SNX8: variants seen among roughly 807,000 people sequenced by gnomAD.
The protein encoded by SNX8 is sorting nexin-8.
A neutral mutation model predicts 51.6 loss-of-function variants in SNX8; 25 were observed. The ratio of observed to expected loss-of-function variants is 0.48; its 90% CI spans 0.35 to 0.68. SNX8 has a LOEUF of 0.68. Ranked by LOEUF, SNX8 falls within the 30% of genes least tolerant of loss-of-function variation. The pLI is 0.00. For missense variants in SNX8, 695 were observed against 624.0 expected (o/e 1.11, Z -1.21); for synonymous variants, 324 against 277.0 (o/e 1.17, Z -1.68).
intron 1 of SNX8, among the ~76,000 whole-genome samples, chr7:2,326,479 C>A (rs1308954294): frequency 6.6e-6 from 1 of 151,414 alleles, no homozygotes; most frequent in Non-Finnish European, 1.5e-5. Flanking sequence ...TCCTGGCTAA[C>A]GCGGTGAAAC....
chr7:2,352,697 G>A (rs1779175307), intron 1 of SNX8, among the ~76,000 whole-genome samples: 2 of 152,062 alleles, frequency 1.3e-5, no homozygotes, highest in African/African-American at 2.4e-5. Context: ...TCAGCCAGGC[G>A]TGGTGGCGGG....
At chr7:2,259,301 C>T (rs1196503333) in intron 7 of SNX8, among the ~76,000 whole-genome samples, 1 of 152,198 alleles carries the variant, frequency 6.6e-6, no homozygotes, top group Non-Finnish European at 1.5e-5. Context: ...CAGTCACACC[C>T]GGGCCCTGAA....
chr7:2,290,260 G>T (rs1342266394), intron 1 of SNX8, among the ~76,000 whole-genome samples: 1 of 152,082 alleles, frequency 6.6e-6, no homozygotes, highest in Non-Finnish European at 1.5e-5. Flanking sequence ...CAGCACTTTT[G>T]GAGGCCAAGA....
rs73043253 is a variant in SNX8, at chr7:2,297,027, G to A, written c.94+17301C>T. On this transcript the variant is annotated intron_variant, in intron 1 of 10. Transcript: ENST00000222990. ...GGGACATGCAAATTAAAACCACAAT[G>A]AGATAGTATCTTACCCCAGCCAGAA... Among the ~76,000 whole-genome samples, 443 of 152,106 alleles carry A rather than the reference G, an allele frequency of 2.9e-3. 5 individuals carry two copies. The highest frequency in any genetic ancestry group is 4.5e-3 in the Non-Finnish European group (303 of 68,018).
intron 1 of SNX8, among the ~76,000 whole-genome samples, chr7:2,294,799 C>A (rs569032026): frequency 2.6e-5 from 4 of 152,226 alleles, no homozygotes; most frequent in South Asian, 4.1e-4. Context: ...CTTTGTGAGG[C>A]CAAACAGGGA....
chr7:2,278,179 C>G lies in SNX8; in HGVS notation c.221G>C (p.Arg74Thr), dbSNP rs1357181992. The part of the protein sequence containing the change: ...LSHTLQELLA[R>T]DTVQVELIPE... ...AATGAGCTCCACCTGCACGGTGTCC[C>G]TGGCCAGCAGCTCCTGCAGGGTGTG... The change falls in exon 2 of 11, where the codon AGG becomes ACG. Residue 74 changes from arginine to threonine, a missense_variant. Coordinates refer to ENST00000222990, the MANE Select transcript of SNX8 (RefSeq NM_013321.4). 1.2e-6 allele frequency: 2 copies of G among 1,614,108 alleles called. No individual in the cohort carries two copies. Among genetic ancestry groups the G allele is most frequent in the Admixed American group, 3.3e-5 (2 of 60,018 alleles).
At chr7:2,335,101 C>T (rs1778802599) in intron 1 of SNX8, among the ~76,000 whole-genome samples, 1 of 151,384 alleles carries the variant, frequency 6.6e-6, no homozygotes, top group African/African-American at 2.4e-5. Flanking sequence ...GAGGCTGAGG[C>T]AGGATAACCA....
At chr7:2,261,105 C>T (rs935279280) in intron 7 of SNX8, among the ~76,000 whole-genome samples, 7 of 152,196 alleles carry the variant, frequency 4.6e-5, no homozygotes, top group African/African-American at 1.7e-4. Flanking sequence ...GCTTTGCACA[C>T]TGAGCTTGGG....
chr7:2,341,572 C>T (rs1280328813), intron 1 of SNX8, among the ~76,000 whole-genome samples: 14 of 151,516 alleles, frequency 9.2e-5, no homozygotes, highest in Admixed American at 6.6e-4. Flanking sequence ...TTTGGGAGGC[C>T]GAGATGGGAG....
rs1268610526 is a variant in SNX8, at chr7:2,253,746, CA to C, written c.*1309del. 6.6e-6 allele frequency: 1 copy of C among 152,298 alleles called. No individual in the cohort carries two copies. The highest frequency in any genetic ancestry group is 2.4e-5 in the African/African-American group (1 of 41,452). 9.4% of individuals were successfully genotyped at this position (152,298 alleles called of 1,614,324 possible). ...CGATGGATCACCTGCCTGCGGGGCACACACAGGAGTCCCCTCTCCATCCCAC... is the reference window on the plus strand; with the variant it reads ...CGATGGATCACCTGCCTGCGGGGCACCACAGGAGTCCCCTCTCCATCCCAC... On this transcript the variant is annotated 3_prime_UTR_variant, in exon 11 of 11. Transcript: ENST00000222990.
Position 2,253,659 on chromosome 7 carries a change from G to A in SNX8, c.*1397C>T, listed in dbSNP as rs565742628. ...GCTGGGCCCGAGCCCCACAGCCACC[G>A]AGTCAGCACAGCCCACGGGGCCAGA... On this transcript the variant is annotated 3_prime_UTR_variant, in exon 11 of 11. Coordinates refer to ENST00000222990, the MANE Select transcript of SNX8 (RefSeq NM_013321.4). 9.8e-5 allele frequency: 15 copies of A among 152,612 alleles called. No individual in the cohort carries two copies. The highest frequency in any genetic ancestry group is 2.4e-4 in the African/African-American group (10 of 41,516). 9.5% of individuals were successfully genotyped at this position (152,612 alleles called of 1,614,324 possible).
At chr7:2,268,020 G>A (rs1317589139) in intron 5 of SNX8, among the ~76,000 whole-genome samples, 1 of 151,508 alleles carries the variant, frequency 6.6e-6, no homozygotes, top group Non-Finnish European at 1.5e-5. Flanking sequence ...TCTGGGAGGT[G>A]AGGAGCGTCT....
chr7:2,352,430 C>T (rs917323090), intron 1 of SNX8, among the ~76,000 whole-genome samples: 1 of 152,034 alleles, frequency 6.6e-6, no homozygotes, highest in Non-Finnish European at 1.5e-5. Flanking sequence ...ACAGACACAC[C>T]ACCAGACACC....
At chr7:2,347,434 T>C (rs1321364734) in intron 1 of SNX8, among the ~76,000 whole-genome samples, 2 of 127,608 alleles carry the variant, frequency 1.6e-5, no homozygotes, top group East Asian at 2.4e-4. Flanking sequence ...GGAGCCAAGA[T>C]AGCACCACTG....
Position 2,308,855 on chromosome 7 carries a change from A to ACTACAACCT in SNX8, c.94+5464_94+5472dup, listed in dbSNP as rs1355718937. Among the ~76,000 whole-genome samples, 104 of 142,168 alleles carry ACTACAACCT rather than the reference A, an allele frequency of 7.3e-4. 1 individual carries two copies. Among genetic ancestry groups the ACTACAACCT allele is most frequent in the African/African-American group, 2.7e-3 (100 of 37,532 alleles). 93.3% of individuals were successfully genotyped at this position (142,168 alleles called of 152,430 possible). A position where few individuals can be genotyped will look rare whatever the true frequency, so the allele number is the denominator to read the frequency against. On this transcript the variant is annotated intron_variant, in intron 1 of 10. Coordinates refer to ENST00000222990, the MANE Select transcript of SNX8 (RefSeq NM_013321.4). ...CTGCAGCGCGGCACCATCTCGGCTC[A>ACTACAACCT]CTACAACCTCTACAACCTCTGCCTC...
chr7:2,267,808 GC>G (rs1367693018), intron 5 of SNX8, among the ~76,000 whole-genome samples: 14 of 121,198 alleles, frequency 1.2e-4, no homozygotes, highest in African/African-American at 4.6e-4. Context: ...CTGCCTGGCT[GC>G]CCAGTCTGGA....
intron 1 of SNX8, among the ~76,000 whole-genome samples, chr7:2,328,227 T>C (rs973855929): frequency 6.6e-6 from 1 of 152,052 alleles, no homozygotes; most frequent in Non-Finnish European, 1.5e-5. Flanking sequence ...AATTTTTCTG[T>C]TTTTAGTAGA....
intron 2 of SNX8, among the ~76,000 whole-genome samples, chr7:2,276,177 C>T (rs1000293837): frequency 3.3e-5 from 5 of 152,124 alleles, no homozygotes; most frequent in Admixed American, 6.5e-5. Context: ...AAAGGCCAGC[C>T]GCTGGCTCCC....
At chr7:2,329,143 C>A (rs968346722) in intron 1 of SNX8, among the ~76,000 whole-genome samples, 12 of 148,136 alleles carry the variant, frequency 8.1e-5, no homozygotes, top group Non-Finnish European at 1.6e-4. Context: ...TGGTGGCAGG[C>A]ACCTGTAATC....
Sources: gnomAD v4.1 joint callset for allele counts (sites outside exome capture counted in the v4.1 genomes callset) on GRCh38, gnomAD v4.1.1 for gene constraint, MANE v1.5 for transcripts, NCBI Gene and HGNC (gene_info 2026-07-23, HGNC 2026-07-21) for gene names.